MASP1: variants seen among roughly 807,000 people sequenced by gnomAD.
The protein encoded by MASP1 is MBL associated serine protease 1, also known as mannan-binding lectin serine protease 1.
In MASP1, 59 loss-of-function variants were observed where a neutral mutation model predicts 77.1. The ratio of observed to expected loss-of-function variants is 0.77; its 90% confidence interval spans 0.62 to 0.95. The LOEUF (loss-of-function observed/expected upper bound fraction) is 0.95, where lower values mean the gene tolerates loss of function less well. MASP1 is among the 40% of genes least tolerant of loss of function. The probability of loss-of-function intolerance (pLI) is 0.00; values close to 1 mark genes in which losing one functional copy is unlikely to be tolerated. For synonymous variants in MASP1, 362 were observed against 354.5 expected (o/e 1.02, Z -0.24); for missense variants, 885 against 912.9 (o/e 0.97, Z 0.39).
intron 1 of MASP1, among the ~76,000 whole-genome samples, chr3:187,287,268 C>A (rs542337883): frequency 4.6e-5 from 7 of 152,214 alleles, no homozygotes; most frequent in African/African-American, 1.7e-4. Flanking sequence ...CCTGTGAGCC[C>A]CCTGTTATTC....
downstream of MASP1, among the ~76,000 whole-genome samples, chr3:187,233,696 G>A (rs1317726261): frequency 2.6e-5 from 4 of 152,174 alleles, no homozygotes; most frequent in Admixed American, 6.5e-5. Flanking sequence ...GTGGCACCAC[G>A]GGTAACTTGA....
intron 3 of MASP1, among the ~76,000 whole-genome samples, chr3:187,261,479 C>T (rs978150803): frequency 6.6e-5 from 10 of 152,248 alleles, no homozygotes; most frequent in Non-Finnish European, 1.3e-4. Flanking sequence ...AGATGTTCAA[C>T]ATTGCTAGTC....
intron 15 of MASP1, chr3:187,220,313 G>A: frequency 6.5e-7 from 1 of 1,536,394 alleles, no homozygotes; most frequent in Non-Finnish European, 8.9e-7. Context: ...CCCAGCCCAA[G>A]TCTCCTTCTC....
rs1400569450 is a variant in MASP1 at position 187,236,239 on chromosome 3, G to A, written c.1632C>T (p.Asp544=). ...CGTGGTTGTAGTTTTGGATGTTGAA[G>A]TCTGGGTGGAGCACCACTCGGGCAG... ...SSAARVVLHP[D]FNIQNYNHDI... is the part of the protein sequence containing the mutation. Residue 544 remains aspartate (D), a synonymous_variant, in exon 11 of 11, where the codon GAC becomes GAT. Transcript: ENST00000296280. 3 of 1,614,268 alleles carry A rather than the reference G, an allele frequency of 1.9e-6. No homozygotes were observed. The African/African-American group carries it at 4.0e-5, about 22-fold the overall frequency.
intron 2 of MASP1, among the ~76,000 whole-genome samples, chr3:187,268,535 A>G (rs117343443): frequency 3.5e-5 from 5 of 143,964 alleles, no homozygotes; most frequent in Non-Finnish European, 6.1e-5. Flanking sequence ...GAAAGAAAAG[A>G]AAAGAAAAGA....
At chr3:187,279,014 G>A (rs1027964634) in intron 2 of MASP1, among the ~76,000 whole-genome samples, 3 of 150,852 alleles carry the variant, frequency 2.0e-5, no homozygotes, top group Admixed American at 1.3e-4. Context: ...CTAATTGGAC[G>A]TCCTAGACTA....
chr3:187,243,764 C>A, intron 8 of MASP1, 143 bp from the exon 9 acceptor site: 2 of 1,017,890 alleles, frequency 2.0e-6, no homozygotes, highest in Non-Finnish European at 3.1e-6. Flanking sequence ...TGAAGGGCAC[C>A]CCTGGGGTGT....
rs532322514 is a variant in MASP1 at position 187,225,790 on chromosome 3, T to C, written c.1556-281A>G. Among the ~76,000 whole-genome samples the C allele has an allele frequency of 5.3e-4, 80 of 152,372 alleles. 1 individual carries two copies. The highest frequency in any genetic ancestry group is 1.9e-3 in the African/African-American group (77 of 41,586). Reference sequence around the variant, plus strand: ...GTTCAATCCCTATCATCACCTTCAGTGCCTGTGTCAAACATGACCTCCTCC... The same window carrying C: ...GTTCAATCCCTATCATCACCTTCAGCGCCTGTGTCAAACATGACCTCCTCC... On this transcript the variant is annotated intron_variant, in intron 12 of 15. Coordinates refer to the MASP1 transcript ENST00000337774.
intron 8 of MASP1, 52 bp from the exon 9 acceptor site, chr3:187,243,673 G>C (rs1041771387): frequency 4.2e-5 from 68 of 1,608,600 alleles, no homozygotes; most frequent in Non-Finnish European, 5.4e-5. Flanking sequence ...ATCCTCCTTT[G>C]GCTATCTGAT....
At chr3:187,220,131 T>C in exon 16 of MASP1, 1 of 1,614,188 alleles carries the variant, frequency 6.2e-7, no homozygotes, top group Non-Finnish European at 8.5e-7. Context: ...TGTAAGAGTA[T>C]ACTCCGTAGC....
chr3:187,287,760 C>T (rs1160002472), intron 1 of MASP1, among the ~76,000 whole-genome samples: 2 of 152,174 alleles, frequency 1.3e-5, no homozygotes, highest in Non-Finnish European at 1.5e-5. Context: ...GAAACCATAC[C>T]AGCATCTTCA....
In MASP1 at chr3:187,291,702, C is replaced by G; in HGVS notation, c.-70G>C. ...AGCTTGACTTGCCTGTGAGCTCGTG[C>G]CCGGTGTGGTGTCCGTGATGCCTTA... On this transcript the variant is annotated 5_prime_UTR_variant, in exon 1 of 11. Transcript: ENST00000296280. 6.3e-7 allele frequency: 1 copy of G among 1,594,998 alleles called. No individual in the cohort carries two copies. Among genetic ancestry groups the G allele is most frequent in the East Asian group, 2.2e-5 (1 of 44,794 alleles).
At chr3:187,265,461 G>A (rs1464230236) in intron 2 of MASP1, among the ~76,000 whole-genome samples, 1 of 152,176 alleles carries the variant, frequency 6.6e-6, no homozygotes, top group Non-Finnish European at 1.5e-5. Context: ...CAGAGCCACA[G>A]TATTCCAGAG....
chr3:187,236,634 C>G (rs1713216581), intron 10 of MASP1, 67 bp from the exon 11 acceptor site: 1 of 1,612,194 alleles, frequency 6.2e-7, no homozygotes, highest in Non-Finnish European at 8.5e-7. Context: ...GTGACAGGAG[C>G]CACAAAGATA....
chr3:187,279,683 C>T (rs1045754528), intron 2 of MASP1, among the ~76,000 whole-genome samples: 1 of 152,194 alleles, frequency 6.6e-6, no homozygotes, highest in Non-Finnish European at 1.5e-5. Context: ...TTGCATCATT[C>T]CCATCCTCTT....
At chr3:187,256,554 G>T (rs1715091672) in intron 5 of MASP1, 110 bp downstream of exon 5, 4 of 983,410 alleles carry the variant, frequency 4.1e-6, no homozygotes, top group South Asian at 4.1e-5. Context: ...GGAACTAGCT[G>T]CTAGGCTCTC....
At chr3:187,229,697 T>G (rs1712649858), downstream of MASP1, 3 of 1,595,372 alleles carry the variant, frequency 1.9e-6, no homozygotes, top group East Asian at 6.8e-5. Flanking sequence ...TGAAGAAACC[T>G]TGGTCAGTCT....
rs776909379 is a variant in MASP1 at position 187,262,643 on chromosome 3, C to T, written c.315G>A (p.Glu105=). The T allele has an allele frequency of 2.5e-6, 4 of 1,614,138 alleles. No individual in the cohort carries two copies. Among genetic ancestry groups the T allele is most frequent in the Admixed American group, 1.7e-5 (1 of 60,024 alleles). Residue 105 remains glutamate (E), a synonymous_variant, in exon 3 of 11, where the codon GAG becomes GAA. Transcript: ENST00000296280. ...TGAAGGAGCCAGGGGAGAGGACCAC[C>T]TCCTGGCCGGGAGTCTGCTCTGTGT... ...TTDTEQTPGQ[E]VVLSPGSFMS...
rs556061558 is a variant in MASP1 at position 187,267,052 on chromosome 3, C to T, written c.238-4332G>A. 1.1e-4 allele frequency among the ~76,000 whole-genome samples: 16 copies of T among 152,350 alleles called. 1 individual carries two copies. The South Asian group carries it at 3.3e-3, about 32-fold the overall frequency. On this transcript the variant is annotated intron_variant, in intron 2 of 10. Transcript: ENST00000296280. ...AGAGAAAGCAGCCCAGGGGGGATTGCTCTCCTTTTATAGATGAGGAAATTG... is the reference window on the plus strand; with the variant it reads ...AGAGAAAGCAGCCCAGGGGGGATTGTTCTCCTTTTATAGATGAGGAAATTG...
Sources: allele counts gnomAD v4.1 joint callset (sites outside exome capture counted in the v4.1 genomes callset), GRCh38; gene constraint gnomAD v4.1.1; transcripts MANE v1.5; gene names NCBI Gene and HGNC (gene_info 2026-07-23, HGNC 2026-07-21).